The following SSPN variants were observed in gnomAD, a reference collection of about 807,000 sequenced individuals.
SSPN encodes K-ras oncogene-associated protein.
In SSPN, 15 loss-of-function variants were observed where a neutral mutation model predicts 19.1. The observed-to-expected ratio is 0.78, with a 90% CI of 0.52 to 1.21. The LOEUF (loss-of-function observed/expected upper bound fraction) is 1.21. SSPN is among the 50% of genes most tolerant of loss of function. The pLI is 0.00. For missense variants in SSPN, 291 were observed against 314.0 expected, an observed-to-expected ratio of 0.93 and a Z score of 0.55; for synonymous variants, 147 against 140.3, an observed-to-expected ratio of 1.05 and a Z score of -0.34.
intron 1 of SSPN, among the ~76,000 whole-genome samples, chr12:26,150,970 A>G (rs1231428371): frequency 6.6e-6 from 1 of 152,204 alleles, no homozygotes; most frequent in Non-Finnish European, 1.5e-5. Flanking sequence ...CAGTGTGAAC[A>G]GTGGTTGAGA....
chr12:26,228,682 GT>G (rs1163040193), intron 2 of SSPN, among the ~76,000 whole-genome samples: 2 of 151,856 alleles, frequency 1.3e-5, no homozygotes, highest in Non-Finnish European at 2.9e-5. Context: ...ACAGAACATG[GT>G]CAAGACAGTT....
At chr12:26,139,926 A>G (rs992645788) in intron 1 of SSPN, among the ~76,000 whole-genome samples, 3 of 152,300 alleles carry the variant, frequency 2.0e-5, no homozygotes, top group South Asian at 2.1e-4. Flanking sequence ...ATAAAAATGA[A>G]TAAGGCCTGT....
At chr12:26,227,520 C>T (rs528031171) in intron 2 of SSPN, among the ~76,000 whole-genome samples, 2 of 152,272 alleles carry the variant, frequency 1.3e-5, no homozygotes, top group South Asian at 2.1e-4. Flanking sequence ...TAAATGTTTA[C>T]ATCCTTCCTA....
chr12:26,195,015 A>G (rs1371428152), upstream of SSPN, among the ~76,000 whole-genome samples: 3 of 152,120 alleles, frequency 2.0e-5, no homozygotes, highest in African/African-American at 7.2e-5. Flanking sequence ...AATTAATAAC[A>G]TATGTGAAAG....
intron 2 of SSPN, among the ~76,000 whole-genome samples, chr12:26,227,215 G>A (rs1341728894): frequency 6.6e-6 from 1 of 152,148 alleles, no homozygotes; most frequent in African/African-American, 2.4e-5. Flanking sequence ...TGAGTTAAAA[G>A]CCATGAAGGA....
chr12:26,207,044 C>T (rs140505875), intron 1 of SSPN, among the ~76,000 whole-genome samples: 116 of 152,144 alleles, frequency 7.6e-4, no homozygotes, highest in African/African-American at 2.1e-3. Context: ...AACAATGTAC[C>T]GTGCTAGCGC....
intron 1 of SSPN, chr12:26,122,722 T>G: frequency 6.3e-7 from 1 of 1,590,620 alleles, no homozygotes; most frequent in Non-Finnish European, 8.5e-7. Flanking sequence ...TCCTGCTTGA[T>G]GGTGACGCGG....
At chr12:26,161,408 T>C (rs1361235679) in intron 1 of SSPN, among the ~76,000 whole-genome samples, 1 of 152,154 alleles carries the variant, frequency 6.6e-6, no homozygotes, top group Non-Finnish European at 1.5e-5. Flanking sequence ...TCCTCTGGGT[T>C]CACTCCATCT....
At chr12:26,161,459 C>T (rs755519924) in intron 1 of SSPN, among the ~76,000 whole-genome samples, 1 of 152,196 alleles carries the variant, frequency 6.6e-6, no homozygotes, top group Admixed American at 6.5e-5. Context: ...CCTGCCCCAT[C>T]GAATTCTGCA....
intron 1 of SSPN, among the ~76,000 whole-genome samples, chr12:26,131,297 T>C (rs1944396175): frequency 6.6e-6 from 1 of 152,222 alleles, no homozygotes; most frequent in African/African-American, 2.4e-5. Context: ...GAAATCTCCT[T>C]AGGGAGGAAA....
intron 1 of SSPN, among the ~76,000 whole-genome samples, chr12:26,153,289 T>A (rs10842682): frequency 6.6e-6 from 1 of 152,078 alleles, no homozygotes; most frequent in Non-Finnish European, 1.5e-5. Flanking sequence ...ACTTGGATCT[T>A]ATTAAGCACT....
At chr12:26,146,761 T>G (rs1302112416) in intron 1 of SSPN, among the ~76,000 whole-genome samples, 4 of 141,200 alleles carry the variant, frequency 2.8e-5, no homozygotes, top group African/African-American at 7.6e-5. Context: ...AAGAGGAGGT[T>G]GCAGTTAGCC....
chr12:26,172,871 C>T (rs1944662105), intron 1 of SSPN, among the ~76,000 whole-genome samples: 1 of 151,690 alleles, frequency 6.6e-6, no homozygotes, highest in Non-Finnish European at 1.5e-5. Context: ...CTCTGTCTGT[C>T]TTTCCCCATG....
chr12:26,189,093 A>G (rs1162049387), intron 1 of SSPN, among the ~76,000 whole-genome samples: 4 of 152,110 alleles, frequency 2.6e-5, no homozygotes, highest in African/African-American at 7.2e-5. Context: ...CTAACTTCAC[A>G]TGGTTTTGGT....
At chr12:26,212,861 T>C (rs1266177664) in intron 1 of SSPN, among the ~76,000 whole-genome samples, 1 of 148,430 alleles carries the variant, frequency 6.7e-6, no homozygotes, top group Non-Finnish European at 1.5e-5. Flanking sequence ...AAGAAAAAAC[T>C]TTTTTTTCAA....
chr12:26,215,637 T>C (rs781781142), intron 1 of SSPN, among the ~76,000 whole-genome samples: 1 of 152,230 alleles, frequency 6.6e-6, no homozygotes, highest in Non-Finnish European at 1.5e-5. Context: ...GTTAGACATT[T>C]ACCATCACAC....
At chr12:26,123,024 T>A (rs752085955) in intron 1 of SSPN, 1 of 1,573,122 alleles carries the variant, frequency 6.4e-7, no homozygotes, top group Non-Finnish European at 8.6e-7. Context: ...GTGCAAGTGG[T>A]TGATCAGCTG....
At chr12:26,137,880 G>A (rs1166193469) in intron 1 of SSPN, among the ~76,000 whole-genome samples, 2 of 151,126 alleles carry the variant, frequency 1.3e-5, no homozygotes, top group Admixed American at 6.6e-5. Flanking sequence ...TGGCCAGGCT[G>A]GTCTCGAACT....
At chr12:26,146,818 T>TAAAAAAAAAAAAAAAAA (rs770083050) in intron 1 of SSPN, among the ~76,000 whole-genome samples, 23 of 105,136 alleles carry the variant, frequency 2.2e-4, no homozygotes, top group Non-Finnish European at 3.6e-4. Flanking sequence ...CAAGGCTGTC[T>TAAAAAAAAAAAAAAAAA]AAAAAAAAAA....
Sources: gnomAD v4.1 joint callset for allele counts (sites outside exome capture counted in the v4.1 genomes callset) on GRCh38, gnomAD v4.1.1 for gene constraint, MANE v1.5 for transcripts, NCBI Gene and HGNC (gene_info 2026-07-23, HGNC 2026-07-21) for gene names.